The following EPHA6 variants were observed in gnomAD, a reference collection of about 807,000 sequenced individuals.
EPHA6 encodes EPH receptor A6.
A neutral mutation model predicts 112.0 loss-of-function variants in EPHA6; 50 were observed. The ratio of observed to expected loss-of-function variants is 0.45; its 90% CI spans 0.36 to 0.56. The LOEUF (loss-of-function observed/expected upper bound fraction) is 0.56. Ranked by LOEUF, EPHA6 falls within the 20% of genes least tolerant of loss-of-function variation. EPHA6 has a pLI of 0.00. For synonymous variants in EPHA6, 529 were observed against 490.7 expected (o/e 1.08, Z -1.03); for missense variants, 1,280 against 1,417.4 (o/e 0.90, Z 1.56).
chr3:96,868,607 A>T (rs1170853818), intron 2 of EPHA6, among the ~76,000 whole-genome samples: 2 of 152,012 alleles, frequency 1.3e-5, no homozygotes, highest in African/African-American at 4.8e-5. Context: ...CCATTTTAAC[A>T]ATTACACTTT....
intron 3 of EPHA6, among the ~76,000 whole-genome samples, chr3:97,184,278 T>G (rs1342658603): frequency 6.6e-6 from 1 of 152,124 alleles, no homozygotes; most frequent in Non-Finnish European, 1.5e-5. Context: ...AATCAACAGT[T>G]TTCATGGTTC....
At chr3:96,950,331 A>G (rs1315641365) in intron 2 of EPHA6, among the ~76,000 whole-genome samples, 3 of 152,112 alleles carry the variant, frequency 2.0e-5, no homozygotes, top group East Asian at 3.9e-4. Flanking sequence ...CTCACCTATA[A>G]AGTGTAGGAC....
At chr3:97,444,433 T>G (rs2090254125) in intron 6 of EPHA6, among the ~76,000 whole-genome samples, 1 of 152,136 alleles carries the variant, frequency 6.6e-6, no homozygotes, top group Admixed American at 6.6e-5. Context: ...CCTGCATTTC[T>G]GACATTAAAA....
intron 5 of EPHA6, among the ~76,000 whole-genome samples, chr3:97,303,869 C>T (rs375753792): frequency 3.3e-5 from 5 of 152,056 alleles, no homozygotes; most frequent in African/African-American, 1.2e-4. Flanking sequence ...TCTTCCTATC[C>T]ATGAGCATGG....
intron 3 of EPHA6, among the ~76,000 whole-genome samples, chr3:97,131,248 TA>T (rs1202237595): frequency 3.3e-5 from 5 of 152,054 alleles, no homozygotes; most frequent in East Asian, 1.9e-4. Flanking sequence ...ATTTTCAAAA[TA>T]TAAATGGTAG....
chr3:96,882,590 G>C (rs187383389), intron 2 of EPHA6, among the ~76,000 whole-genome samples: 70 of 152,164 alleles, frequency 4.6e-4, no homozygotes, highest in Middle Eastern at 3.4e-3. Flanking sequence ...TTGCTCCCAT[G>C]TATCAGTGAG....
chr3:97,526,578 T>C (rs2107634249), intron 10 of EPHA6, among the ~76,000 whole-genome samples: 1 of 149,800 alleles, frequency 6.7e-6, no homozygotes. Flanking sequence ...GGCCCAGTTA[T>C]GGTCTTCTAT....
intron 3 of EPHA6, among the ~76,000 whole-genome samples, chr3:97,101,634 A>C (rs2047406899): frequency 6.6e-6 from 1 of 152,028 alleles, no homozygotes; most frequent in Admixed American, 6.6e-5. Flanking sequence ...GAGCACTGAG[A>C]AACTTCTTGA....
intron 2 of EPHA6, among the ~76,000 whole-genome samples, chr3:96,913,954 T>C (rs2039359052): frequency 6.6e-6 from 1 of 152,108 alleles, no homozygotes; most frequent in Non-Finnish European, 1.5e-5. Flanking sequence ...TAATAGATAA[T>C]TCAAAAAATA....
intron 5 of EPHA6, among the ~76,000 whole-genome samples, chr3:97,319,667 C>CAAAAA (rs1340197693): frequency 1.8e-5 from 1 of 54,804 alleles, no homozygotes; most frequent in African/African-American, 6.2e-5. Context: ...GAGATTGTCT[C>CAAAAA]AAAAAAAAAA....
In EPHA6 at chr3:97,448,587, A is replaced by G. The variant is rs751991569; in HGVS notation, c.1751A>G (p.Tyr584Cys). 1 of 1,613,180 alleles carries G rather than the reference A, an allele frequency of 6.2e-7. No individual in the cohort carries two copies. Among genetic ancestry groups the G allele is most frequent in the Non-Finnish European group, 8.5e-7 (1 of 1,179,448 alleles). The change falls in exon 7 of 18, where the codon TAC (tyrosine) becomes TGC (cysteine). Residue 584 changes from tyrosine (Y) to cysteine (C), a missense_variant. This residue lies in a region of EPHA6 where 878 missense variants were observed against 999.7 expected (regional missense o/e 0.88). Transcript: ENST00000389672. Reference sequence around the variant, plus strand: ...CCCCAGGAACATGAGCAGCTGACCTACTCTTCCACAAGGTCCAAAGCCCCC... The same window carrying G: ...CCCCAGGAACATGAGCAGCTGACCTGCTCTTCCACAAGGTCCAAAGCCCCC... ...YYEKEHEQLT[Y>C]SSTRSKAPSV...
chr3:97,548,945 A>C (rs1163469371), intron 11 of EPHA6, among the ~76,000 whole-genome samples: 1 of 152,240 alleles, frequency 6.6e-6, no homozygotes, highest in Non-Finnish European at 1.5e-5. Flanking sequence ...CCTATCACCC[A>C]GTGACATCCT....
intron 11 of EPHA6, among the ~76,000 whole-genome samples, chr3:97,586,600 G>A (rs1449532431): frequency 6.6e-6 from 1 of 152,112 alleles, no homozygotes; most frequent in Non-Finnish European, 1.5e-5. Flanking sequence ...AAGGAATGGA[G>A]GGAAATACAC....
chr3:96,847,782 T>G (rs2035156116), intron 1 of EPHA6, among the ~76,000 whole-genome samples: 1 of 152,088 alleles, frequency 6.6e-6, no homozygotes, highest in African/African-American at 2.4e-5. Context: ...TATGAAGGTA[T>G]GAAGTAAAGT....
rs2036155227 is a variant in EPHA6, at chr3:97,761,143, A to G, written c.*12442A>G. On this transcript the variant is annotated 3_prime_UTR_variant, in exon 18 of 18. Transcript: ENST00000389672. ...AATCCTACCTATTATCTACTTTACT[A>G]TAGCAGTGAAGTAGTCCAGACTTAT... 5.0e-6 allele frequency: 1 copy of G among 201,434 alleles called. No homozygotes were observed. Among genetic ancestry groups the G allele is most frequent in the South Asian group, 1.9e-4 (1 of 5,268 alleles). 12.5% of individuals were successfully genotyped at this position (201,434 alleles called of 1,614,324 possible).
chr3:96,893,511 T>C (rs979298484), intron 2 of EPHA6, among the ~76,000 whole-genome samples: 10 of 152,156 alleles, frequency 6.6e-5, no homozygotes, highest in African/African-American at 2.4e-4. Context: ...TCAAAAGTGA[T>C]TAAGGATTAT....
chr3:97,462,653 T>C (rs567541836), intron 7 of EPHA6, among the ~76,000 whole-genome samples: 2 of 152,316 alleles, frequency 1.3e-5, no homozygotes, highest in East Asian at 3.9e-4. Flanking sequence ...AGGTATGTTA[T>C]CACTTCTTGA....
chr3:97,010,143 G>C, intron 3 of EPHA6: 1 of 1,213,576 alleles, frequency 8.2e-7, no homozygotes, highest in Non-Finnish European at 1.1e-6. Flanking sequence ...AATTTGTTTT[G>C]TTTTTATTTT....
rs886481158 is a variant in EPHA6 at position 97,358,163 on chromosome 3, T to C, written c.1607-46987T>C. On this transcript the variant is annotated intron_variant, in intron 5 of 17. Coordinates refer to ENST00000389672, the MANE Select transcript of EPHA6 (RefSeq NM_001080448.3). ...CCTATAGTAGTTTTCCCTAATTTCC[T>C]GCATTATTTTCTTATTTGTGTTGTT... is the stretch of plus-strand genomic sequence containing the variant. Among the ~76,000 whole-genome samples, 7 of 152,302 alleles carry C rather than the reference T, an allele frequency of 4.6e-5. No homozygotes were observed. The East Asian group carries it at 1.2e-3, about 25-fold the overall frequency.
Sources: allele counts gnomAD v4.1 joint callset (sites outside exome capture counted in the v4.1 genomes callset), GRCh38; gene constraint gnomAD v4.1.1; regional missense constraint gnomAD v4.1.1; transcripts MANE v1.5; gene names NCBI Gene and HGNC (gene_info 2026-07-23, HGNC 2026-07-21).